MDGA2: variants seen among roughly 807,000 people sequenced by gnomAD.
The protein encoded by MDGA2 is MAM domain-containing glycosylphosphatidylinositol anchor protein 2.
MDGA2 carries 40 observed loss-of-function variants against 117.8 expected under a neutral mutation model. That is an observed-to-expected ratio of 0.34 (90% CI 0.26 to 0.44). The LOEUF is 0.44. MDGA2 is among the 20% of genes least tolerant of loss of function. MDGA2 has a pLI of 1.00. For synonymous variants in MDGA2, 452 were observed against 439.0 expected (o/e 1.03, Z -0.37); for missense variants, 1,123 against 1,250.6 (o/e 0.90, Z 1.54).
chr14:47,207,431 G>C (rs1885725976), intron 3 of MDGA2, among the ~76,000 whole-genome samples: 1 of 151,900 alleles, frequency 6.6e-6, no homozygotes, highest in African/African-American at 2.4e-5. Flanking sequence ...ATATATTTAA[G>C]GAGAGAACTA....
intron 1 of MDGA2, among the ~76,000 whole-genome samples, chr14:47,611,801 T>C (rs1389926870): frequency 6.6e-6 from 1 of 152,094 alleles, no homozygotes; most frequent in Non-Finnish European, 1.5e-5. Context: ...CCAATGAAAA[T>C]AACAGGATTA....
intron 1 of MDGA2, among the ~76,000 whole-genome samples, chr14:47,357,001 G>C (rs1891009475): frequency 6.6e-6 from 1 of 152,184 alleles, no homozygotes; most frequent in Non-Finnish European, 1.5e-5. Context: ...TCTTAACGGA[G>C]ATTTTACTTT....
chr14:47,071,983 G>T (rs149373983), intron 6 of MDGA2, among the ~76,000 whole-genome samples: 104 of 151,050 alleles, frequency 6.9e-4, no homozygotes, highest in African/African-American at 2.5e-3. Context: ...TCGTATAGTT[G>T]TTCAGGCTCA....
chr14:47,315,790 T>C (rs1235340372), intron 1 of MDGA2, among the ~76,000 whole-genome samples: 2 of 151,778 alleles, frequency 1.3e-5, no homozygotes. Context: ...TTTTACAATA[T>C]CAACATAATT....
chr14:47,275,457 T>G (rs1266874298), intron 2 of MDGA2, among the ~76,000 whole-genome samples: 1 of 152,126 alleles, frequency 6.6e-6, no homozygotes, highest in African/African-American at 2.4e-5. Context: ...TAAAAAATAT[T>G]TATATTTCTT....
intron 2 of MDGA2, among the ~76,000 whole-genome samples, chr14:47,228,328 T>G (rs181608197): frequency 4.6e-5 from 7 of 152,314 alleles, no homozygotes; most frequent in Non-Finnish European, 5.9e-5. Flanking sequence ...TTATACAGTC[T>G]CTGACTGATT....
At chr14:47,342,779 G>C (rs1212021048) in intron 1 of MDGA2, among the ~76,000 whole-genome samples, 1 of 152,120 alleles carries the variant, frequency 6.6e-6, no homozygotes, top group Non-Finnish European at 1.5e-5. Context: ...CCTAGATTTA[G>C]GCAGATAAAA....
At chr14:46,863,701 A>G (rs894746173) in intron 14 of MDGA2, among the ~76,000 whole-genome samples, 7 of 152,142 alleles carry the variant, frequency 4.6e-5, no homozygotes, top group Non-Finnish European at 8.8e-5. Context: ...TACTCAGTTC[A>G]TATCATTAAT....
intron 1 of MDGA2, among the ~76,000 whole-genome samples, chr14:47,373,961 T>C (rs1372615687): frequency 6.6e-6 from 1 of 152,164 alleles, no homozygotes; most frequent in Non-Finnish European, 1.5e-5. Flanking sequence ...GATAATAAGG[T>C]ATTCCATATA....
intron 8 of MDGA2, among the ~76,000 whole-genome samples, chr14:46,973,029 G>C (rs1183153810): frequency 6.6e-6 from 1 of 152,148 alleles, no homozygotes; most frequent in African/African-American, 2.4e-5. Flanking sequence ...TGCTGTGCAT[G>C]ATGTCATCAA....
intron 2 of MDGA2, among the ~76,000 whole-genome samples, chr14:47,255,067 A>G (rs1887572977): frequency 6.6e-6 from 1 of 152,186 alleles, no homozygotes; most frequent in Admixed American, 6.5e-5. Context: ...GGATTATGGG[A>G]ACTACAGTTC....
chr14:47,440,517 T>C (rs947727865), intron 1 of MDGA2, among the ~76,000 whole-genome samples: 4 of 152,108 alleles, frequency 2.6e-5, no homozygotes, highest in African/African-American at 9.7e-5. Flanking sequence ...AAACCTAGGA[T>C]TGGCAAAACT....
intron 8 of MDGA2, among the ~76,000 whole-genome samples, chr14:47,002,738 A>T (rs1394573798): frequency 2.6e-5 from 4 of 152,086 alleles, no homozygotes; most frequent in Admixed American, 2.0e-4. Flanking sequence ...AAAAAAAAAA[A>T]TTTAATTTAT....
intron 1 of MDGA2, among the ~76,000 whole-genome samples, chr14:47,402,429 C>T (rs751915520): frequency 1.4e-5 from 2 of 146,802 alleles, no homozygotes; most frequent in Middle Eastern, 3.9e-3. Context: ...TTATTTGCTA[C>T]AATCAGAAGG....
chr14:47,497,430 T>C (rs902114211), intron 1 of MDGA2, among the ~76,000 whole-genome samples: 8 of 152,040 alleles, frequency 5.3e-5, no homozygotes, highest in Non-Finnish European at 8.8e-5. Flanking sequence ...CTAATTTTTC[T>C]ATTTTTTAGT....
chr14:47,108,944 TATG>T (rs1480669536), intron 5 of MDGA2, among the ~76,000 whole-genome samples: 4 of 152,232 alleles, frequency 2.6e-5, no homozygotes, highest in South Asian at 2.1e-4. Context: ...ATTGACAAGG[TATG>T]ATGAAGAAAA....
intron 1 of MDGA2, among the ~76,000 whole-genome samples, chr14:47,419,866 G>A (rs1892543774): frequency 6.6e-6 from 1 of 151,988 alleles, no homozygotes; most frequent in African/African-American, 2.4e-5. Flanking sequence ...TATTGAGGTA[G>A]TCATACTTAT....
intron 9 of MDGA2, among the ~76,000 whole-genome samples, chr14:46,941,725 A>G (rs1885007966): frequency 6.6e-6 from 1 of 151,956 alleles, no homozygotes; most frequent in African/African-American, 2.4e-5. Flanking sequence ...ATATACATAG[A>G]TGTGCTTTTC....
At chr14:47,156,515 T>C (rs1434647176) in intron 3 of MDGA2, among the ~76,000 whole-genome samples, 4 of 152,194 alleles carry the variant, frequency 2.6e-5, no homozygotes, top group Non-Finnish European at 4.4e-5. Flanking sequence ...ATCCATAGGC[T>C]TATGATTAAT....
Sources: gnomAD v4.1 joint callset for allele counts (sites outside exome capture counted in the v4.1 genomes callset) on GRCh38, gnomAD v4.1.1 for gene constraint, MANE v1.5 for transcripts, NCBI Gene and HGNC (gene_info 2026-07-23, HGNC 2026-07-21) for gene names.